SYTL4: variants seen among roughly 807,000 people sequenced by gnomAD.
SYTL4 encodes the protein synaptotagmin like 4.
A neutral mutation model predicts 52.7 loss-of-function variants in SYTL4; 16 were observed. The observed-to-expected ratio is 0.30, with a 90% confidence interval of 0.21 to 0.46. SYTL4 has a LOEUF of 0.46. Among genes scored for constraint, SYTL4 ranks in the 20% least tolerant of loss-of-function variants. The pLI is 1.00. For synonymous variants in SYTL4, 160 were observed against 186.6 expected, an observed-to-expected ratio of 0.86 and a Z score of 1.16; for missense variants, 423 against 519.9, an observed-to-expected ratio of 0.81 and a Z score of 1.81.
chrX:100,725,928 CAAG>C (rs1320925362), intron 2 of SYTL4, among the ~76,000 whole-genome samples: 1 of 111,292 alleles, frequency 9.0e-6, no homozygotes, highest in African/African-American at 3.3e-5. Context: ...GAGCTACAAA[CAAG>C]AAGCAGTGTA....
At chrX:100,729,575 G>A (rs2084596338) in intron 2 of SYTL4, among the ~76,000 whole-genome samples, 1 of 111,343 alleles carries the variant, frequency 9.0e-6, no homozygotes, top group African/African-American at 3.3e-5. Context: ...TGAAGGAATG[G>A]CATGGTATGT....
chrX:100,730,117 T>C (rs1374762275), intron 2 of SYTL4, among the ~76,000 whole-genome samples: 1 of 110,514 alleles, frequency 9.0e-6, no homozygotes, highest in Admixed American at 9.7e-5. Context: ...CACACATCCC[T>C]AGAATCCAGG....
At chrX:100,693,719 A>G (rs965008452) in intron 8 of SYTL4, among the ~76,000 whole-genome samples, 3 of 112,576 alleles carry the variant, frequency 2.7e-5, no homozygotes, top group African/African-American at 9.7e-5. Flanking sequence ...ATATATGTCC[A>G]CACAAAAATG....
chrX:100,694,653 C>A (rs1197531657), intron 8 of SYTL4, among the ~76,000 whole-genome samples: 1 of 111,678 alleles, frequency 9.0e-6, no homozygotes, highest in African/African-American at 3.3e-5. Context: ...TTATCTCCCA[C>A]CCCGGAAATC....
rs1035649919 is a variant in SYTL4, at chrX:100,709,127, T to C, written c.-239-4241A>G. ...ATGTTTAAACTTAAACCCATGGAAATTGAAGAGCTGTAATAGAGCTGAGAG... is the reference window on the plus strand; with the variant it reads ...ATGTTTAAACTTAAACCCATGGAAACTGAAGAGCTGTAATAGAGCTGAGAG... On this transcript the variant is annotated intron_variant, in intron 2 of 19. Coordinates refer to ENST00000372989, the MANE Select transcript of SYTL4 (RefSeq NM_001370165.1). Among the ~76,000 whole-genome samples the C allele has an allele frequency of 4.5e-5, 5 of 111,450 alleles. No homozygotes were observed. The East Asian group carries it at 8.5e-4, about 19-fold the overall frequency.
chrX:100,685,862 C>T (rs1569379440), intron 16 of SYTL4, 128 bp downstream of exon 16: 1 of 653,561 alleles, frequency 1.5e-6, no homozygotes, highest in Non-Finnish European at 2.2e-6. Flanking sequence ...AACTCAGAAA[C>T]ACCAGCAGGG....
intron 13 of SYTL4, chrX:100,687,571 G>A: frequency 3.9e-6 from 1 of 254,836 alleles, no homozygotes; most frequent in Non-Finnish European, 7.0e-6. Context: ...GTCCATCTGG[G>A]GAATGTGTTA....
intron 15 of SYTL4, chrX:100,686,445 T>C (rs1287676564): frequency 2.6e-6 from 1 of 390,170 alleles, no homozygotes; most frequent in Non-Finnish European, 4.4e-6. Context: ...AAATGTCTTT[T>C]TTACATGAGA....
intron 2 of SYTL4, among the ~76,000 whole-genome samples, chrX:100,723,182 C>G (rs1376736796): frequency 8.9e-6 from 1 of 112,402 alleles, no homozygotes; most frequent in Non-Finnish European, 1.9e-5. Flanking sequence ...TGAAGCTGGA[C>G]TGTACTGCTG....
intron 1 of SYTL4, among the ~76,000 whole-genome samples, chrX:100,731,739 A>C (rs1054659295): frequency 8.9e-6 from 1 of 111,829 alleles, no homozygotes; most frequent in Non-Finnish European, 1.9e-5. Context: ...GGGCCAGAAG[A>C]AGCCCTGGAG....
rs1477900813 is a variant in SYTL4, at chrX:100,705,509, ATG to A, written c.-239-625_-239-624del. Among the ~76,000 whole-genome samples, 3 of 111,697 alleles carry A rather than the reference ATG, an allele frequency of 2.7e-5. 1 individual carries two copies. Among genetic ancestry groups the A allele is most frequent in the African/African-American group, 9.8e-5 (3 of 30,744 alleles). ...AAGCATTGTGGAAATGAATTCCCAT[ATG>A]TGTGATTACGGCTGAAACACTGCGC... On this transcript the variant is annotated intron_variant, in intron 2 of 19. Transcript: ENST00000372989.
intron 2 of SYTL4, among the ~76,000 whole-genome samples, chrX:100,730,079 C>G (rs557373137): frequency 2.7e-5 from 3 of 110,780 alleles, no homozygotes; most frequent in African/African-American, 9.8e-5. Context: ...CTCCCCTAGC[C>G]AGCAGGAGAG....
At chrX:100,714,292 T>C (rs1288855039) in intron 2 of SYTL4, among the ~76,000 whole-genome samples, 7 of 107,890 alleles carry the variant, frequency 6.5e-5, no homozygotes, top group South Asian at 4.2e-4. Flanking sequence ...GATGGAGTCT[T>C]GCTGTTGCCC....
intron 8 of SYTL4, among the ~76,000 whole-genome samples, chrX:100,699,923 T>C (rs1463929462): frequency 8.1e-5 from 9 of 111,306 alleles, no homozygotes; most frequent in South Asian, 3.8e-4. Context: ...TTCTGATACA[T>C]GCTATAACAT....
At chrX:100,698,243 C>T (rs2083750290) in intron 8 of SYTL4, among the ~76,000 whole-genome samples, 1 of 110,010 alleles carries the variant, frequency 9.1e-6, no homozygotes, top group Non-Finnish European at 1.9e-5. Flanking sequence ...GCTGGGACTA[C>T]AGGCGCCTGC....
intron 9 of SYTL4, 113 bp downstream of exon 9, chrX:100,690,995 C>A: frequency 3.6e-6 from 2 of 561,761 alleles, no homozygotes; most frequent in Non-Finnish European, 6.0e-6. Context: ...CTGTTGAGGA[C>A]AGAGAAAATA....
intron 2 of SYTL4, among the ~76,000 whole-genome samples, chrX:100,717,719 T>C (rs2084257426): frequency 8.9e-6 from 1 of 111,878 alleles, no homozygotes. Flanking sequence ...GTGGCATAAA[T>C]CCAGGGGAAA....
chrX:100,723,857 C>T (rs1389826223), intron 2 of SYTL4, among the ~76,000 whole-genome samples: 2 of 109,249 alleles, frequency 1.8e-5, no homozygotes, highest in Non-Finnish European at 3.8e-5. Context: ...GCAGCCACCC[C>T]GTCCGGGAGG....
intron 8 of SYTL4, among the ~76,000 whole-genome samples, chrX:100,692,884 C>A (rs1434762696): frequency 9.0e-6 from 1 of 111,497 alleles, no homozygotes; most frequent in Non-Finnish European, 1.9e-5. Flanking sequence ...CTCATCTAGT[C>A]TCATGGCTTT....
Sources: allele counts gnomAD v4.1 joint callset (sites outside exome capture counted in the v4.1 genomes callset), GRCh38; gene constraint gnomAD v4.1.1; transcripts MANE v1.5; gene names NCBI Gene and HGNC (gene_info 2026-07-23, HGNC 2026-07-21).